The following RAD51 variants were observed in gnomAD, a reference collection of about 807,000 sequenced individuals.
RAD51 encodes RAD51 recombinase.
In RAD51, 14 loss-of-function variants were observed where a neutral mutation model predicts 41.5. That is an observed-to-expected ratio of 0.34 (90% CI 0.22 to 0.53). The LOEUF (loss-of-function observed/expected upper bound fraction) is 0.53, where lower values mean the gene tolerates loss of function less well. Ranked by LOEUF, RAD51 falls within the 20% of genes least tolerant of loss-of-function variation. RAD51 has a pLI of 0.95. For synonymous variants in RAD51, 136 were observed against 148.6 expected (o/e 0.92, Z 0.62); for missense variants, 234 against 422.0 (o/e 0.55, Z 3.90).
chr15:40,724,888 A>AATTTTTTTTTTTTTTTTTTTTTTTT (rs1896491535), intron 6 of RAD51, among the ~76,000 whole-genome samples: 2 of 63,766 alleles, frequency 3.1e-5, no homozygotes, highest in East Asian at 4.0e-4. Context: ...AATTTTTTTT[A>AATTTTTTTTTTTTTTTTTTTTTTTT]ATTTTTTTTT....
chr15:40,724,670 A>ATTTGTTTTTTTTTTT (rs757564729), intron 6 of RAD51, among the ~76,000 whole-genome samples: 2 of 72,022 alleles, frequency 2.8e-5, no homozygotes, highest in Admixed American at 1.6e-4. Context: ...TAATTTTTTT[A>ATTTGTTTTTTTTTTT]TTTCTTTTTT....
intron 5 of RAD51, among the ~76,000 whole-genome samples, chr15:40,716,138 G>A (rs183818904): frequency 6.6e-6 from 1 of 152,328 alleles, no homozygotes; most frequent in Admixed American, 6.5e-5. Context: ...TGTCTTCAGA[G>A]TGTACCGTGC....
chr15:40,697,326 A>G (rs1894704250), intron 1 of RAD51, among the ~76,000 whole-genome samples: 1 of 151,320 alleles, frequency 6.6e-6, no homozygotes, highest in South Asian at 2.1e-4. Context: ...CTGGTCTTGA[A>G]CTCCTGAACT....
At chr15:40,719,558 C>T (rs993397504) in intron 6 of RAD51, among the ~76,000 whole-genome samples, 7 of 152,028 alleles carry the variant, frequency 4.6e-5, no homozygotes, top group Non-Finnish European at 1.0e-4. Context: ...ATTGGCTGGG[C>T]GCTGTGGCTC....
At chr15:40,719,148 C>A (rs541065256) in intron 6 of RAD51, among the ~76,000 whole-genome samples, 2 of 151,660 alleles carry the variant, frequency 1.3e-5, no homozygotes, top group African/African-American at 4.8e-5. Context: ...ACCTCTGCCT[C>A]CCGGGTTCAA....
In RAD51 at chr15:40,695,417, C is replaced by G. The variant is rs1894552600; in HGVS notation, c.-11C>G. ...GGGCCTGCTGGAGAGAGGAGCGCTG[C>G]GGACCGAGGTGAGTGTGTGAGGCGC... On this transcript the variant is annotated 5_prime_UTR_variant, in exon 1 of 10. Coordinates refer to ENST00000267868, the MANE Select transcript of RAD51 (RefSeq NM_002875.5). The G allele has an allele frequency of 6.6e-6, 1 of 152,584 alleles. No homozygotes were observed. The allele number at this position is 152,584 out of a possible 1,614,324, so 9.5% of individuals were successfully genotyped here. A position where few individuals can be genotyped will look rare whatever the true frequency, so the allele number is the denominator to read the frequency against.
At chr15:40,723,444 G>A (rs1177746055) in intron 6 of RAD51, among the ~76,000 whole-genome samples, 4 of 152,080 alleles carry the variant, frequency 2.6e-5, no homozygotes, top group Admixed American at 6.6e-5. Context: ...GCTGGTAAAT[G>A]AATAAACAAA....
chr15:40,727,714 A>G (rs1430070491), intron 6 of RAD51, among the ~76,000 whole-genome samples: 1 of 152,088 alleles, frequency 6.6e-6, no homozygotes, highest in Non-Finnish European at 1.5e-5. Flanking sequence ...TGATCTAAAT[A>G]GAGAAAACTT....
intron 6 of RAD51, among the ~76,000 whole-genome samples, chr15:40,719,985 A>T (rs1321094408): frequency 2.0e-5 from 3 of 152,200 alleles, no homozygotes; most frequent in Non-Finnish European, 1.5e-5. Flanking sequence ...AAAGGGGAAA[A>T]TAGACAACTC....
intron 7 of RAD51, 37 bp from the exon 8 acceptor site, chr15:40,729,468 C>T (rs748558465): frequency 6.2e-7 from 1 of 1,604,262 alleles, no homozygotes; most frequent in East Asian, 2.3e-5. Context: ...CTGACACAGG[C>T]TAGAAATAGG....
At chr15:40,709,933 C>T (rs574891826) in intron 5 of RAD51, among the ~76,000 whole-genome samples, 120 of 151,628 alleles carry the variant, frequency 7.9e-4, no homozygotes, top group African/African-American at 2.7e-3. Flanking sequence ...GAGGCCGAGG[C>T]GGGTGGATCA....
rs552677429 is a variant in RAD51, at chr15:40,729,494, G to A, written c.645-11G>A. 60 of 1,604,302 alleles carry A rather than the reference G, an allele frequency of 3.7e-5. No individual in the cohort carries two copies. The Middle Eastern group carries it at 8.3e-4, about 22-fold the overall frequency. On this transcript the variant is annotated splice_polypyrimidine_tract_variant and intron_variant, in intron 7 of 9. Transcript: ENST00000267868. ...TAGAAATAGGCTTCAGAGAATCCTT[G>A]TTTCCTGTAGGTATGCACTGCTTAT...
chr15:40,717,680 A>G (rs1896057004), intron 5 of RAD51, among the ~76,000 whole-genome samples: 1 of 151,882 alleles, frequency 6.6e-6, no homozygotes, highest in South Asian at 2.1e-4. Context: ...TGTTTATACT[A>G]TTGGAGTAAA....
At chr15:40,721,748 C>A (rs542648097) in intron 6 of RAD51, among the ~76,000 whole-genome samples, 18 of 152,280 alleles carry the variant, frequency 1.2e-4, no homozygotes, top group African/African-American at 4.3e-4. Flanking sequence ...ATATACCACA[C>A]ATAAAAATTA....
At chr15:40,730,754 C>T (rs1407544186) in intron 9 of RAD51, among the ~76,000 whole-genome samples, 2 of 151,652 alleles carry the variant, frequency 1.3e-5, no homozygotes, top group African/African-American at 2.4e-5. Context: ...GATCTCCTGA[C>T]CTCGTGATCT....
chr15:40,726,711 G>T (rs1379345639), intron 6 of RAD51, among the ~76,000 whole-genome samples: 1 of 151,664 alleles, frequency 6.6e-6, no homozygotes, highest in African/African-American at 2.4e-5. Context: ...TCAGGAGATC[G>T]AGACCATCCT....
intron 4 of RAD51, among the ~76,000 whole-genome samples, chr15:40,708,289 C>T (rs1284419851): frequency 3.5e-5 from 5 of 141,662 alleles, no homozygotes; most frequent in Non-Finnish European, 7.5e-5. Flanking sequence ...AGTGCAGTGG[C>T]GTGATCTCGG....
At chr15:40,700,712 T>C (rs957725935) in intron 2 of RAD51, among the ~76,000 whole-genome samples, 6 of 152,196 alleles carry the variant, frequency 3.9e-5, no homozygotes, top group Admixed American at 2.0e-4. Context: ...AGCTTTTGCA[T>C]ATAATAACAG....
At chr15:40,705,808 A>G (rs1003643070) in intron 3 of RAD51, among the ~76,000 whole-genome samples, 3 of 152,096 alleles carry the variant, frequency 2.0e-5, no homozygotes, top group African/African-American at 7.2e-5. Context: ...GGGTTTCACC[A>G]TGTTAGCCAG....
Sources: gnomAD v4.1 joint callset for allele counts (sites outside exome capture counted in the v4.1 genomes callset) on GRCh38, gnomAD v4.1.1 for gene constraint, MANE v1.5 for transcripts, NCBI Gene and HGNC (gene_info 2026-07-23, HGNC 2026-07-21) for gene names.